BCAS3: variants seen among roughly 807,000 people sequenced by gnomAD.
The protein encoded by BCAS3 is BCAS3 microtubule associated cell migration factor.
Under a neutral mutation model 116.1 loss-of-function variants are expected in BCAS3, and 53 were observed. The ratio of observed to expected loss-of-function variants is 0.46; its 90% CI spans 0.37 to 0.57. The LOEUF (loss-of-function observed/expected upper bound fraction) is 0.57. Among genes scored for constraint, BCAS3 ranks in the 20% least tolerant of loss-of-function variants. The pLI is 0.00. For missense variants in BCAS3, 917 were observed against 1,165.4 expected (o/e 0.79, Z 3.10); for synonymous variants, 391 against 408.2 (o/e 0.96, Z 0.51).
chr17:60,792,284 G>A (rs1306109573), intron 6 of BCAS3, among the ~76,000 whole-genome samples: 3 of 152,230 alleles, frequency 2.0e-5, no homozygotes, highest in African/African-American at 7.2e-5. Context: ...CTTCTGAGTT[G>A]GCAGGGCAGG....
At position 61,156,539 on chromosome 17, in the gene BCAS3, CT is replaced by C. The variant is rs1315450111; in HGVS notation, c.2425+71977del. 6.6e-6 allele frequency among the ~76,000 whole-genome samples: 1 copy of C among 152,130 alleles called. No homozygotes were observed. The highest frequency in any genetic ancestry group is 1.5e-5 in the Non-Finnish European group (1 of 68,030). ...AGGTTCAGACTGAGGTTGGAACGGG[CT>C]TGCTTCTCTCTCTCACCTTCTCCCT... is the stretch of plus-strand genomic sequence containing the variant. On this transcript the variant is annotated intron_variant, in intron 22 of 23. Transcript: ENST00000407086. This position sits in a 1 kb window ranked among gnomAD's most constrained non-coding sequence, Gnocchi z 4.7.
intron 19 of BCAS3, among the ~76,000 whole-genome samples, chr17:61,043,203 A>G (rs1343974057): frequency 1.3e-5 from 2 of 151,808 alleles, no homozygotes; most frequent in Non-Finnish European, 2.9e-5. Context: ...CATCTCTACT[A>G]AAACACACAA....
chr17:60,815,346 T>C (rs2049277422), intron 7 of BCAS3, among the ~76,000 whole-genome samples: 1 of 151,878 alleles, frequency 6.6e-6, no homozygotes, highest in Non-Finnish European at 1.5e-5. Context: ...CTAATATAAA[T>C]GACGAGTTAA....
At chr17:60,813,563 A>T (rs920707266) in intron 7 of BCAS3, among the ~76,000 whole-genome samples, 5 of 152,208 alleles carry the variant, frequency 3.3e-5, no homozygotes, top group Non-Finnish European at 7.3e-5. Flanking sequence ...ATAAATATTC[A>T]CAAAAAATAT....
chr17:60,969,482 T>C (rs1167201148), intron 14 of BCAS3, among the ~76,000 whole-genome samples: 1 of 152,128 alleles, frequency 6.6e-6, no homozygotes, highest in Non-Finnish European at 1.5e-5. Context: ...AATTTGCAGA[T>C]AGATCACTAG....
chr17:61,273,633 T>C (rs902496341), intron 22 of BCAS3, among the ~76,000 whole-genome samples: 16 of 151,986 alleles, frequency 1.1e-4, no homozygotes, highest in South Asian at 2.1e-4. Context: ...TTCCTGGTTA[T>C]TTTTTTCAAA....
At chr17:60,809,871 G>A (rs1314030175) in intron 7 of BCAS3, among the ~76,000 whole-genome samples, 2 of 152,180 alleles carry the variant, frequency 1.3e-5, no homozygotes, top group Admixed American at 6.5e-5. Flanking sequence ...AAGATACATA[G>A]ATGCATGGCC....
chr17:60,679,509 G>C lies in BCAS3; in HGVS notation c.52G>C (p.Gly18Arg), dbSNP rs750914642. ...CCCAAGAAGACCCAGTCGTTGTACTGGTGGAGTTGTGGTTCGCCCCCAGGC... is the reference window on the plus strand; with the variant it reads ...CCCAAGAAGACCCAGTCGTTGTACTCGTGGAGTTGTGGTTCGCCCCCAGGC... The part of the protein sequence containing the change: ...DSPRRPSRCT[G>R]GVVVRPQAVT... The change falls in exon 2 of 24, where the codon GGT becomes CGT. Residue 18 changes from glycine to arginine, a missense_variant. By Grantham distance (125) the Gly-to-Arg change is moderately radical. Transcript: ENST00000407086. 1 of 1,613,920 alleles carries C rather than the reference G, an allele frequency of 6.2e-7. No homozygotes were observed. The highest frequency in any genetic ancestry group is 8.5e-7 in the Non-Finnish European group (1 of 1,179,888).
At chr17:61,159,269 T>C (rs1196345388) in intron 22 of BCAS3, 1 of 152,184 alleles carries the variant, frequency 6.6e-6, no homozygotes, top group Non-Finnish European at 1.5e-5. Flanking sequence ...TTTTGTTTGG[T>C]TTTAGTTTAA....
intron 22 of BCAS3, among the ~76,000 whole-genome samples, chr17:61,322,804 G>GAGAGAGAGAGAGAGAGAGAGAGAGAC (rs1456378092): frequency 7.8e-6 from 1 of 128,406 alleles, no homozygotes; most frequent in Non-Finnish European, 1.7e-5. Flanking sequence ...CAGAGAGAGA[G>GAGAGAGAGAGAGAGAGAGAGAGAGAC]AGAGAGAGAG....
At chr17:60,759,989 G>A (rs1352309736) in intron 6 of BCAS3, among the ~76,000 whole-genome samples, 1 of 152,180 alleles carries the variant, frequency 6.6e-6, no homozygotes, top group African/African-American at 2.4e-5. Context: ...TCTGATATCA[G>A]TATAGCTAGT....
intron 5 of BCAS3, among the ~76,000 whole-genome samples, chr17:60,732,765 G>T (rs1239496114): frequency 6.6e-6 from 1 of 152,168 alleles, no homozygotes; most frequent in Non-Finnish European, 1.5e-5. Context: ...CTTGAACCTG[G>T]GAGGCGGAGG....
intron 22 of BCAS3, among the ~76,000 whole-genome samples, chr17:61,165,223 A>C (rs745755083): frequency 6.6e-6 from 1 of 152,196 alleles, no homozygotes; most frequent in African/African-American, 2.4e-5. Context: ...CTTTTCTCCC[A>C]AAAGGAGCCT....
intron 15 of BCAS3, among the ~76,000 whole-genome samples, chr17:61,003,375 C>G (rs187668179): frequency 1.8e-5 from 2 of 108,540 alleles, no homozygotes; most frequent in Non-Finnish European, 3.5e-5. Context: ...TTATTATGCC[C>G]TCCCCTCCCC....
chr17:60,952,132 A>C (rs2060876853), intron 14 of BCAS3, among the ~76,000 whole-genome samples: 1 of 152,146 alleles, frequency 6.6e-6, no homozygotes, highest in Admixed American at 6.5e-5. Context: ...TTTAATTAAA[A>C]TGTAAAAATC....
chr17:61,274,800 AAG>A (rs1319995055), intron 22 of BCAS3, among the ~76,000 whole-genome samples: 2 of 152,188 alleles, frequency 1.3e-5, no homozygotes, highest in Non-Finnish European at 2.9e-5. Context: ...GGGAAGAAGT[AAG>A]ACTGTTTCTA....
At chr17:60,698,485 A>G (rs1311950740) in intron 4 of BCAS3, among the ~76,000 whole-genome samples, 1 of 152,088 alleles carries the variant, frequency 6.6e-6, no homozygotes, top group Non-Finnish European at 1.5e-5. Context: ...CTGTATTTAC[A>G]AAAAGAAATA....
At chr17:60,702,045 C>G (rs1015737017) in intron 4 of BCAS3, among the ~76,000 whole-genome samples, 1 of 152,126 alleles carries the variant, frequency 6.6e-6, no homozygotes, top group Non-Finnish European at 1.5e-5. Flanking sequence ...GATACACACA[C>G]ACACACAAAT....
Position 61,012,310 on chromosome 17 carries a change from G to T in BCAS3, c.1487-3441G>T, listed in dbSNP as rs1374076196. Among the ~76,000 whole-genome samples, 2 of 152,030 alleles carry T rather than the reference G, an allele frequency of 1.3e-5. No homozygotes were observed. Among genetic ancestry groups the T allele is most frequent in the Non-Finnish European group, 2.9e-5 (2 of 67,946 alleles). ...AAAGATTGAGTGGAACTTTTGCTTGGCGCAGTATGCATCTTTGTTAATGTC... is the reference window on the plus strand; with the variant it reads ...AAAGATTGAGTGGAACTTTTGCTTGTCGCAGTATGCATCTTTGTTAATGTC... On this transcript the variant is annotated intron_variant, in intron 15 of 23. Transcript: ENST00000407086. This position sits in a 1 kb window ranked among gnomAD's most constrained non-coding sequence, Gnocchi z 4.5.
Sources: gnomAD v4.1 joint callset for allele counts (sites outside exome capture counted in the v4.1 genomes callset) on GRCh38, gnomAD v4.1.1 for gene constraint, Gnocchi (gnomAD v3.1) non-coding constraint, MANE v1.5 for transcripts, NCBI Gene and HGNC (gene_info 2026-07-23, HGNC 2026-07-21) for gene names.